Variants in KIF26B observed in about 807,000 individuals in gnomAD.
KIF26B encodes kinesin family member 26B, also known as kinesin-like protein KIF26B.
A neutral mutation model predicts 151.2 loss-of-function variants in KIF26B; 63 were observed. That is an observed-to-expected ratio of 0.42 (90% CI 0.34 to 0.51). The LOEUF (loss-of-function observed/expected upper bound fraction) is 0.51, where lower values mean the gene tolerates loss of function less well. KIF26B is among the 20% of genes least tolerant of loss of function. The pLI is 0.07. For missense variants in KIF26B, 2,813 were observed against 2,913.6 expected (o/e 0.97, Z 0.79); for synonymous variants, 1,357 against 1,262.1 (o/e 1.08, Z -1.59).
chr1:245,670,547 A>G (rs1206326645), intron 10 of KIF26B, among the ~76,000 whole-genome samples: 1 of 152,010 alleles, frequency 6.6e-6, no homozygotes, highest in Non-Finnish European at 1.5e-5. Flanking sequence ...AAAGAATTGA[A>G]AGCAGGAAAT....
chr1:245,671,186 C>T (rs2044281603), intron 10 of KIF26B, among the ~76,000 whole-genome samples: 1 of 152,174 alleles, frequency 6.6e-6, no homozygotes, highest in Non-Finnish European at 1.5e-5. Flanking sequence ...CATTCTTTTC[C>T]ATGGCTGAAT....
intron 5 of KIF26B, among the ~76,000 whole-genome samples, chr1:245,548,361 G>A (rs1003236423): frequency 6.6e-6 from 1 of 152,186 alleles, no homozygotes; most frequent in Admixed American, 6.5e-5. Context: ...TCCTGAAAGA[G>A]GCAGCTGCAA....
chr1:245,679,659 GGGTTTCA>G (rs1298733709), intron 10 of KIF26B, among the ~76,000 whole-genome samples: 1 of 151,676 alleles, frequency 6.6e-6, no homozygotes, highest in East Asian at 1.9e-4. Context: ...AGTAGAGATG[GGGTTTCA>G]CCATGTTGGC....
At chr1:245,426,881 C>T (rs1386031363) in intron 4 of KIF26B, among the ~76,000 whole-genome samples, 3 of 152,214 alleles carry the variant, frequency 2.0e-5, no homozygotes, top group Non-Finnish European at 4.4e-5. Flanking sequence ...TCAGATAGCG[C>T]CTTGCTGTGA....
At position 245,706,012 on chromosome 1, in the gene KIF26B, G is replaced by A. The variant is rs1272352057; in HGVS notation, c.*3406G>A. 1.3e-5 allele frequency: 2 copies of A among 152,216 alleles called. No individual in the cohort carries two copies. Among genetic ancestry groups the A allele is most frequent in the African/African-American group, 4.8e-5 (2 of 41,452 alleles). 9.4% of individuals were successfully genotyped at this position (152,216 alleles called of 1,614,324 possible). A position where few individuals can be genotyped will look rare whatever the true frequency, so the allele number is the denominator to read the frequency against. On this transcript the variant is annotated 3_prime_UTR_variant, in exon 15 of 15. Coordinates refer to ENST00000407071, the MANE Select transcript of KIF26B (RefSeq NM_018012.4). ...AGATGTGTCCTGTCTTGACAAAGGTGGGAACCCCTGAGCTGGAGAAGGGGC... is the reference window on the plus strand; with the variant it reads ...AGATGTGTCCTGTCTTGACAAAGGTAGGAACCCCTGAGCTGGAGAAGGGGC...
intron 2 of KIF26B, among the ~76,000 whole-genome samples, chr1:245,297,319 A>T (rs866908289): frequency 6.6e-6 from 1 of 152,202 alleles, no homozygotes; most frequent in African/African-American, 2.4e-5. Flanking sequence ...CTCCAGCCTG[A>T]GTGACAGAGT....
intron 3 of KIF26B, among the ~76,000 whole-genome samples, chr1:245,368,388 G>A (rs1364147926): frequency 6.6e-6 from 1 of 152,314 alleles, no homozygotes; most frequent in East Asian, 1.9e-4. Context: ...TGCATCAGGG[G>A]TGTGGGAAGC....
At position 245,611,897 on chromosome 1, in the gene KIF26B, G is replaced by A. The variant is rs2043526449; in HGVS notation, c.2019G>A (p.Glu673=). Residue 673 remains glutamate, a synonymous_variant, in exon 9 of 15, where the codon GAG becomes GAA. Coordinates refer to ENST00000407071, the MANE Select transcript of KIF26B (RefSeq NM_018012.4). ...GGAGCCACCAACAGGACTGTGATGAGGACGACCACCGCAACTCACACGTGT... is the reference window on the plus strand; with the variant it reads ...GGAGCCACCAACAGGACTGTGATGAAGACGACCACCGCAACTCACACGTGT... ...SRRSHQQDCD[E]DDHRNSHVFF... 6.2e-7 allele frequency: 1 copy of A among 1,613,416 alleles called. No individual in the cohort carries two copies. Among genetic ancestry groups the A allele is most frequent in the South Asian group, 1.1e-5 (1 of 91,014 alleles).
intron 2 of KIF26B, among the ~76,000 whole-genome samples, chr1:245,360,812 G>T (rs970163793): frequency 6.6e-5 from 10 of 152,152 alleles, no homozygotes; most frequent in African/African-American, 2.4e-4. Flanking sequence ...AGGAGTTCAA[G>T]ACCAGCCTGG....
chr1:245,561,150 A>G (rs745594962), intron 5 of KIF26B, among the ~76,000 whole-genome samples: 25 of 152,238 alleles, frequency 1.6e-4, no homozygotes, highest in Non-Finnish European at 3.5e-4. Context: ...TTAGACAGAC[A>G]GGAGGCAGTG....
chr1:245,175,834 AT>A (rs941440592), intron 2 of KIF26B, among the ~76,000 whole-genome samples: 3 of 151,490 alleles, frequency 2.0e-5, no homozygotes, highest in Admixed American at 2.0e-4. Context: ...GGGTGGAGAA[AT>A]TTTATTTTCA....
At chr1:245,492,433 G>C (rs1660427547) in intron 4 of KIF26B, among the ~76,000 whole-genome samples, 1 of 152,176 alleles carries the variant, frequency 6.6e-6, no homozygotes, top group Non-Finnish European at 1.5e-5. Context: ...GTCATCTTTA[G>C]GGAGACCCTT....
In KIF26B at chr1:245,325,094, CAAAAAAAAA is replaced by C. The variant is rs57433161; in HGVS notation, c.466-41731_466-41723del. Among the ~76,000 whole-genome samples the C allele has an allele frequency of 1.0e-4, 10 of 96,598 alleles. No individual in the cohort carries two copies. In the East Asian group the frequency reaches 1.7e-3, roughly 16 times the overall value. The allele number at this position is 96,598 out of a possible 152,430, so 63.4% of individuals were successfully genotyped here. On this transcript the variant is annotated intron_variant, in intron 2 of 14. Coordinates refer to ENST00000407071, the MANE Select transcript of KIF26B (RefSeq NM_018012.4). ...TGGACGACAAAGCCAGACCTTGTCT[CAAAAAAAAA>C]AAAAAAAAGAAAAAAAGAAAAAAGA...
rs1353511938 is a variant in KIF26B at position 245,166,372 on chromosome 1, C to T, written c.465+9689C>T. Reference sequence around the variant, plus strand: ...AGCATTCAGTGCGTCTTTGTTTCTTCACCTCCAAGTGGATAAAGCATCTCA... The same window carrying T: ...AGCATTCAGTGCGTCTTTGTTTCTTTACCTCCAAGTGGATAAAGCATCTCA... On this transcript the variant is annotated intron_variant, in intron 2 of 14. Coordinates refer to ENST00000407071, the MANE Select transcript of KIF26B (RefSeq NM_018012.4). The surrounding 1 kb of genome is among the most constrained non-coding windows in gnomAD (Gnocchi z 4.5). Among the ~76,000 whole-genome samples, 1 of 152,176 alleles carries T rather than the reference C, an allele frequency of 6.6e-6. No individual in the cohort carries two copies. The highest frequency in any genetic ancestry group is 1.5e-5 in the Non-Finnish European group (1 of 68,030).
chr1:245,251,193 G>C (rs1670437594), intron 2 of KIF26B, among the ~76,000 whole-genome samples: 1 of 152,164 alleles, frequency 6.6e-6, no homozygotes, highest in Admixed American at 6.5e-5. Flanking sequence ...CAGATTCTCA[G>C]AAGGTAAGCA....
chr1:245,680,078 AGTCT>A (rs1370593921), intron 10 of KIF26B, among the ~76,000 whole-genome samples: 1 of 151,756 alleles, frequency 6.6e-6, no homozygotes, highest in Non-Finnish European at 1.5e-5. Context: ...GAGTGGGCTA[AGTCT>A]GTGCTGACTG....
At chr1:245,409,606 A>T (rs193145523) in intron 3 of KIF26B, among the ~76,000 whole-genome samples, 4 of 152,330 alleles carry the variant, frequency 2.6e-5, no homozygotes, top group East Asian at 1.9e-4. Context: ...AATGCTGTGG[A>T]TGGATAATTT....
chr1:245,619,821 G>A (rs1014185047), intron 9 of KIF26B, among the ~76,000 whole-genome samples: 16 of 151,626 alleles, frequency 1.1e-4, no homozygotes, highest in South Asian at 2.1e-4. Context: ...GCTGAGGCAG[G>A]AGAATCACTT....
In KIF26B at chr1:245,688,686, G is replaced by A; in HGVS notation, c.5703G>A (p.Val1901=). 6.2e-7 allele frequency: 1 copy of A among 1,606,430 alleles called. No individual in the cohort carries two copies. The highest frequency in any genetic ancestry group is 8.5e-7 in the Non-Finnish European group (1 of 1,177,538). The change falls in exon 12 of 15, where the codon GTG becomes GTA. Residue 1901 remains valine, a synonymous_variant. Coordinates refer to ENST00000407071, the MANE Select transcript of KIF26B (RefSeq NM_018012.4). ...HSGGSSGYES[V]MRDSEATGSA... Reference sequence around the variant, plus strand: ...GCGGCAGCAGCGGCTACGAGAGCGTGATGCGGGACAGCGAGGCCACCGGCA... The same window carrying A: ...GCGGCAGCAGCGGCTACGAGAGCGTAATGCGGGACAGCGAGGCCACCGGCA...
Sources: gnomAD v4.1 joint callset for allele counts (sites outside exome capture counted in the v4.1 genomes callset) on GRCh38, gnomAD v4.1.1 for gene constraint, Gnocchi (gnomAD v3.1) non-coding constraint, MANE v1.5 for transcripts, NCBI Gene and HGNC (gene_info 2026-07-23, HGNC 2026-07-21) for gene names.